The following HASPIN variants were observed in gnomAD, a reference collection of about 807,000 sequenced individuals.
HASPIN encodes the protein serine/threonine-protein kinase haspin.
In HASPIN, 24 loss-of-function variants were observed where a neutral mutation model predicts 28.8. That is an observed-to-expected ratio of 0.83 (90% CI 0.60 to 1.17). HASPIN has a LOEUF of 1.17. Among genes scored for constraint, HASPIN ranks in the 50% most tolerant of loss-of-function variants. The probability of loss-of-function intolerance (pLI) is 0.00; values close to 1 mark genes in which losing one functional copy is unlikely to be tolerated. For synonymous variants in HASPIN, 440 were observed against 413.1 expected (o/e 1.07, Z -0.79); for missense variants, 1,016 against 1,018.5 (o/e 1.00, Z 0.03).
chr17:3,724,534 C>G lies in HASPIN; in HGVS notation c.599C>G (p.Ala200Gly), dbSNP rs767002901. 1 of 1,613,954 alleles carries G rather than the reference C, an allele frequency of 6.2e-7. No homozygotes were observed. Among genetic ancestry groups the G allele is most frequent in the Admixed American group, 1.7e-5 (1 of 60,006 alleles). Reference protein sequence around the residue: ...GTSACLVAASAVPSGLHLPEV... With the variant: ...GTSACLVAASGVPSGLHLPEV... ...TCCGCCTGTCTGGTTGCAGCCTCAG[C>G]CGTCCCGAGCGGCCTCCACCTCCCA... Residue 200 changes from alanine to glycine, a missense_variant, in exon 1 of 1, where the codon GCC becomes GGC. By Grantham distance (60) the Ala-to-Gly change is moderately conservative (BLOSUM62 0). Transcript: ENST00000325418.
In HASPIN at chr17:3,726,312, C is replaced by T; in HGVS notation, c.2377C>T (p.Gln793Ter). The change falls in exon 1 of 1, where the codon CAG becomes TAG. Residue 793 changes from glutamine to a stop codon, truncating the protein, a stop_gained. Coordinates refer to ENST00000325418, the MANE Select transcript of HASPIN (RefSeq NM_031965.2). LOFTEE classifies it high-confidence loss of function. Reference sequence around the variant, plus strand: ...CAGCTCTGCCACTGACTTGCTCTGCCAGCACAGTCTGTTTAAGTAAGCTAA... The same window carrying T: ...CAGCTCTGCCACTGACTTGCTCTGCTAGCACAGTCTGTTTAAGTAAGCTAA... ...NFSSATDLLC[Q>*]HSLFK is the part of the protein sequence containing the mutation. 6.2e-7 allele frequency: 1 copy of T among 1,612,018 alleles called. No individual in the cohort carries two copies. Among genetic ancestry groups the T allele is most frequent in the Non-Finnish European group, 8.5e-7 (1 of 1,178,532 alleles).
rs758246623 is a variant in HASPIN, at chr17:3,726,000, A to T, written c.2065A>T (p.Thr689Ser). ...CGLQVSIIDY[T>S]LSRLERDGIV... ...GTTGCAAGTGAGCATCATTGACTAC[A>T]CCCTGTCGCGCTTGGAACGGGATGG... The change falls in exon 1 of 1, where the codon ACC becomes TCC. Residue 689 changes from threonine (T) to serine (S), a missense_variant. By Grantham distance (58) the Thr-to-Ser change is moderately conservative. This residue lies in a region of HASPIN where 129 missense variants were observed against 156.2 expected (regional missense o/e 0.83). Coordinates refer to ENST00000325418, the MANE Select transcript of HASPIN (RefSeq NM_031965.2). 5.0e-6 allele frequency: 8 copies of T among 1,613,732 alleles called. No homozygotes were observed. The East Asian group carries it at 1.8e-4, about 36-fold the overall frequency.
Sources: allele counts gnomAD v4.1 joint callset, GRCh38; gene constraint gnomAD v4.1.1; regional missense constraint gnomAD v4.1.1; transcripts MANE v1.5; gene names NCBI Gene and HGNC (gene_info 2026-07-23, HGNC 2026-07-21).